The following ANKRD30B variants were observed in gnomAD, a reference collection of about 807,000 sequenced individuals.
ANKRD30B encodes ankyrin repeat domain-containing protein 30B.
A neutral mutation model predicts 202.2 loss-of-function variants in ANKRD30B; 144 were observed. The ratio of observed to expected loss-of-function variants is 0.71; its 90% confidence interval spans 0.62 to 0.82. The LOEUF is 0.82. ANKRD30B is among the 40% of genes least tolerant of loss of function. ANKRD30B has a pLI of 0.00. For synonymous variants in ANKRD30B, 508 were observed against 561.3 expected (o/e 0.91, Z 1.34); for missense variants, 1,487 against 1,669.1 (o/e 0.89, Z 1.90).
At chr18:14,821,618 T>G (rs1185573591) in intron 30 of ANKRD30B, among the ~76,000 whole-genome samples, 1 of 152,116 alleles carries the variant, frequency 6.6e-6, no homozygotes, top group African/African-American at 2.4e-5. Context: ...CCACCATACC[T>G]GGATGATTTT....
At chr18:14,778,887 A>C (rs767383416) in intron 10 of ANKRD30B, among the ~76,000 whole-genome samples, 1 of 152,192 alleles carries the variant, frequency 6.6e-6, no homozygotes, top group Non-Finnish European at 1.5e-5. Flanking sequence ...GGAAAGCATT[A>C]TATTGCTTTT....
chr18:14,766,117 A>C (rs1413011285), intron 7 of ANKRD30B, among the ~76,000 whole-genome samples: 1 of 152,148 alleles, frequency 6.6e-6, no homozygotes, highest in Admixed American at 6.5e-5. Context: ...GGGACAGAGA[A>C]AATCTCAGGT....
intron 36 of ANKRD30B, among the ~76,000 whole-genome samples, chr18:14,838,885 T>C (rs1412833061): frequency 9.2e-5 from 14 of 152,242 alleles, no homozygotes; most frequent in Non-Finnish European, 2.1e-4. Context: ...AAAGTCTGTA[T>C]ACAAATGTAA....
intron 6 of ANKRD30B, among the ~76,000 whole-genome samples, chr18:14,762,272 C>T (rs551616415): frequency 3.9e-5 from 6 of 152,286 alleles, no homozygotes; most frequent in Non-Finnish European, 7.3e-5. Context: ...CAAGGATCAA[C>T]TGTGTGACAA....
intron 15 of ANKRD30B, among the ~76,000 whole-genome samples, chr18:14,789,314 C>G (rs550184261): frequency 2.6e-5 from 4 of 152,122 alleles, no homozygotes; most frequent in Non-Finnish European, 5.9e-5. Flanking sequence ...GAGTAGGTTG[C>G]GAAAATGTTC....
the ANKRD30B span, among the ~76,000 whole-genome samples, chr18:14,862,028 A>G: frequency 6.6e-6 from 1 of 152,234 alleles, no homozygotes; most frequent in Non-Finnish European, 1.5e-5. Context: ...CTGCTCCTGA[A>G]AGACTTTTGT....
chr18:14,836,336 C>A (rs1214502004), intron 34 of ANKRD30B, among the ~76,000 whole-genome samples: 6 of 152,238 alleles, frequency 3.9e-5, no homozygotes, highest in African/African-American at 1.2e-4. Flanking sequence ...TAGTAAATAA[C>A]AACTAGGAAG....
At chr18:14,865,582 C>T in the ANKRD30B span, among the ~76,000 whole-genome samples, 3 of 151,060 alleles carry the variant, frequency 2.0e-5, no homozygotes, top group African/African-American at 7.3e-5. Flanking sequence ...CCCTCCTGTT[C>T]ACCACCCTGT....
intron 32 of ANKRD30B, among the ~76,000 whole-genome samples, chr18:14,823,500 G>T (rs761428715): frequency 1.2e-4 from 18 of 151,758 alleles, no homozygotes; most frequent in Non-Finnish European, 1.9e-4. Flanking sequence ...GTGTGTGTGC[G>T]TGTGTGACTT....
At chr18:14,862,426 T>A in the ANKRD30B span, among the ~76,000 whole-genome samples, 1 of 152,142 alleles carries the variant, frequency 6.6e-6, no homozygotes, top group Non-Finnish European at 1.5e-5. Flanking sequence ...AATAAAAAAT[T>A]ACAAATGAGA....
intron 32 of ANKRD30B, among the ~76,000 whole-genome samples, chr18:14,824,435 C>T (rs183581410): frequency 2.0e-5 from 3 of 148,562 alleles, no homozygotes; most frequent in Non-Finnish European, 3.0e-5. Flanking sequence ...CTCACTACCC[C>T]CTCTGCCTCC....
chr18:14,784,723 T>TA (rs139528038), intron 14 of ANKRD30B, among the ~76,000 whole-genome samples, 188 bp downstream of exon 14: 11,279 of 152,118 alleles, frequency 0.074, 491 homozygotes, highest in African/African-American at 0.1. Context: ...ATATTTTTTT[T>TA]AAAAAAATGT....
intron 5 of ANKRD30B, among the ~76,000 whole-genome samples, chr18:14,758,345 C>A (rs1434580441): frequency 6.6e-6 from 1 of 152,146 alleles, no homozygotes; most frequent in Admixed American, 6.5e-5. Flanking sequence ...GGAAGACATT[C>A]ATTTTGCATA....
intron 7 of ANKRD30B, among the ~76,000 whole-genome samples, chr18:14,764,867 A>G (rs1300668283): frequency 6.6e-6 from 1 of 152,218 alleles, no homozygotes; most frequent in Non-Finnish European, 1.5e-5. Context: ...CCACATGCTC[A>G]TTTCTAAGCC....
chr18:14,767,704 C>A (rs1455324304), intron 7 of ANKRD30B, among the ~76,000 whole-genome samples: 1 of 90,288 alleles, frequency 1.1e-5, no homozygotes, highest in Admixed American at 9.7e-5. Context: ...AGAAACAGAC[C>A]ATTTTGATGG....
At chr18:14,791,572 G>A (rs1351668483) in intron 16 of ANKRD30B, 81 bp downstream of exon 16, 2 of 1,119,390 alleles carry the variant, frequency 1.8e-6, no homozygotes, top group East Asian at 2.5e-5. Flanking sequence ...TCTAATAGAT[G>A]AAGAAAATTA....
chr18:14,780,022 G>A lies in ANKRD30B; in HGVS notation c.1482+1G>A. 1 of 1,600,486 alleles carries A rather than the reference G, an allele frequency of 6.2e-7. No homozygotes were observed. Among genetic ancestry groups the A allele is most frequent in the South Asian group, 1.1e-5 (1 of 89,264 alleles). On this transcript the variant is annotated splice_donor_variant, in intron 11 of 43. Coordinates refer to ENST00000690538, the MANE Select transcript of ANKRD30B (RefSeq NM_001367607.2). LOFTEE classifies it high-confidence loss of function. ...TGAAGAATATTCTTGGGATTCTGGG[G>A]TATTGTGTATTATTGCTGTTATTAT...
In ANKRD30B at chr18:14,811,217, T is replaced by C. The variant is rs532044231; in HGVS notation, c.2488+1037T>C. ...TTTCTTTTTTTTTTAAATTTTGATATGGCGTCTCGCTGTCTCGCCCATCTC... is the reference window on the plus strand; with the variant it reads ...TTTCTTTTTTTTTTAAATTTTGATACGGCGTCTCGCTGTCTCGCCCATCTC... On this transcript the variant is annotated intron_variant, in intron 28 of 43. Transcript: ENST00000690538. Among the ~76,000 whole-genome samples, 194 of 151,794 alleles carry C rather than the reference T, an allele frequency of 1.3e-3. 1 individual carries two copies. Among genetic ancestry groups the C allele is most frequent in the African/African-American group, 4.5e-3 (188 of 41,332 alleles).
At chr18:14,788,478 T>A (rs1383996481) in intron 15 of ANKRD30B, among the ~76,000 whole-genome samples, 1 of 152,136 alleles carries the variant, frequency 6.6e-6, no homozygotes, top group African/African-American at 2.4e-5. Context: ...TGAGCCATGC[T>A]GGTGTGCTCC....
Sources: allele counts gnomAD v4.1 joint callset (sites outside exome capture counted in the v4.1 genomes callset), GRCh38; gene constraint gnomAD v4.1.1; transcripts MANE v1.5; gene names NCBI Gene and HGNC (gene_info 2026-07-23, HGNC 2026-07-21).